The following ERVFRD-1 variants were observed in gnomAD, a reference collection of about 807,000 sequenced individuals.
ERVFRD-1 encodes endogenous retrovirus group FRD member 1, envelope.
In ERVFRD-1, 33 loss-of-function variants were observed where a neutral mutation model predicts 43.8. The ratio of observed to expected loss-of-function variants is 0.75; its 90% confidence interval spans 0.57 to 1.01. ERVFRD-1 has a LOEUF of 1.01. Among genes scored for constraint, ERVFRD-1 ranks in the 50% least tolerant of loss-of-function variants. ERVFRD-1 has a pLI of 0.00. For synonymous variants in ERVFRD-1, 239 were observed against 244.4 expected (o/e 0.98, Z 0.21); for missense variants, 568 against 658.4 (o/e 0.86, Z 1.50).
intron 1 of ERVFRD-1, among the ~76,000 whole-genome samples, chr6:11,107,793 G>C (rs748224448): frequency 6.6e-6 from 1 of 152,178 alleles, no homozygotes. Context: ...AAGATGGGGT[G>C]TTATAGGGTA....
intron 1 of ERVFRD-1, 54 bp downstream of exon 1, chr6:11,111,623 G>T (rs554819523): frequency 1.8e-4 from 28 of 152,362 alleles, no homozygotes; most frequent in African/African-American, 6.5e-4. Context: ...ACGAAACCAC[G>T]TACGAGGGTT....
chr6:11,104,783 T>G lies in ERVFRD-1; in HGVS notation c.528A>C (p.Pro176=), dbSNP rs768146373. The G allele has an allele frequency of 1.2e-6, 2 of 1,614,166 alleles. No homozygotes were observed. Among genetic ancestry groups the G allele is most frequent in the South Asian group, 2.2e-5 (2 of 91,084 alleles). The change falls in exon 2 of 2, where the codon CCA becomes CCC. Residue 176 remains proline (P), a synonymous_variant. Transcript: ENST00000472091. ...FRHQPRFPKP[P]NITFPQGTLL... is the part of the protein sequence containing the mutation. ...AAGTTCCCTGAGGAAAAGTAATATT[T>G]GGAGGTTTGGGGAATCTTGGTTGAT...
At chr6:11,111,096 A>G (rs536501904) in intron 1 of ERVFRD-1, among the ~76,000 whole-genome samples, 4 of 152,346 alleles carry the variant, frequency 2.6e-5, no homozygotes, top group South Asian at 2.1e-4. Context: ...TGGTAGGGTA[A>G]CAAGTATAAA....
chr6:11,103,455 C>G lies in ERVFRD-1; in HGVS notation c.*239G>C, dbSNP rs1338021609. 6 of 519,774 alleles carry G rather than the reference C, an allele frequency of 1.2e-5. No individual in the cohort carries two copies. The highest frequency in any genetic ancestry group is 1.9e-5 in the Non-Finnish European group (6 of 313,772). The allele number at this position is 519,774 out of a possible 1,614,324, so 32.2% of individuals were successfully genotyped here. On this transcript the variant is annotated 3_prime_UTR_variant, in exon 2 of 2. Coordinates refer to ENST00000472091, the MANE Select transcript of ERVFRD-1 (RefSeq NM_207582.3). The stretch of plus-strand genomic sequence containing the variant: ...ACTAGCTACCTGCTCCAACATTTCC[C>G]CCCCTCAAGAGTCCAAGACCCAATT...
rs1030988169 is a variant in ERVFRD-1 at position 11,105,936 on chromosome 6, G to A, written c.-320-306C>T. On this transcript the variant is annotated intron_variant, in intron 1 of 1. Coordinates refer to ENST00000472091, the MANE Select transcript of ERVFRD-1 (RefSeq NM_207582.3). ...GGCTTAATTGCAAGGGAGCCTTAGG[G>A]GCAGCAAATCAGAAGGAGGGCTAAA... Among the ~76,000 whole-genome samples, 7 of 152,144 alleles carry A rather than the reference G, an allele frequency of 4.6e-5. No individual in the cohort carries two copies. The East Asian group carries it at 1.2e-3, about 25-fold the overall frequency.
chr6:11,106,303 TG>T (rs1262668691), intron 1 of ERVFRD-1, among the ~76,000 whole-genome samples: 3 of 152,216 alleles, frequency 2.0e-5, no homozygotes, highest in African/African-American at 7.2e-5. Flanking sequence ...TGCAGGGAGC[TG>T]AGTGAAGTCC....
Position 11,107,468 on chromosome 6 carries a change from A to G in ERVFRD-1, c.-320-1838T>C, listed in dbSNP as rs574960003. Among the ~76,000 whole-genome samples, 50 of 152,300 alleles carry G rather than the reference A, an allele frequency of 3.3e-4. No homozygotes were observed. In the South Asian group the frequency reaches 4.6e-3, roughly 14 times the overall value. Reference sequence around the variant, plus strand: ...CTCCTCTCAAGACTTAGGTCCTGCAAATCTCTAGCCAGGGCTTGCCCAGAC... The same window carrying G: ...CTCCTCTCAAGACTTAGGTCCTGCAGATCTCTAGCCAGGGCTTGCCCAGAC... On this transcript the variant is annotated intron_variant, in intron 1 of 1. Coordinates refer to ENST00000472091, the MANE Select transcript of ERVFRD-1 (RefSeq NM_207582.3).
rs893016711 is a variant in ERVFRD-1, at chr6:11,104,977, G to A, written c.334C>T (p.Pro112Ser). The change falls in exon 2 of 2, where the codon CCC becomes TCC. Residue 112 changes from proline (P) to serine (S), a missense_variant. Physicochemically the swap from Pro to Ser is moderately conservative, Grantham distance 74. Coordinates refer to ENST00000472091, the MANE Select transcript of ERVFRD-1 (RefSeq NM_207582.3). The stretch of plus-strand genomic sequence containing the variant: ...ATTAGGTTGATATTAGTAAAGATGG[G>A]TCCGAAAATGGGAGGTTTCTGGCGG... ...DIRQKPPIFG[P>S]IFTNINLMGI... is the part of the protein sequence containing the mutation. 4.3e-6 allele frequency: 7 copies of A among 1,614,190 alleles called. No individual in the cohort carries two copies. Among genetic ancestry groups the A allele is most frequent in the Middle Eastern group, 1.6e-4 (1 of 6,062 alleles).
chr6:11,111,419 C>T (rs537788386), intron 1 of ERVFRD-1, among the ~76,000 whole-genome samples: 6 of 152,138 alleles, frequency 3.9e-5, no homozygotes, highest in Non-Finnish European at 5.9e-5. Flanking sequence ...TTAGCCCTAC[C>T]GCTCTCATCA....
In ERVFRD-1 at chr6:11,107,374, T is replaced by C. The variant is rs191010795; in HGVS notation, c.-320-1744A>G. On this transcript the variant is annotated intron_variant, in intron 1 of 1. Transcript: ENST00000472091. ...AAGGAAGTTTGGTGTTTGGACTAGA[T>C]GTTGGATTCCCAGTTCTCTTGTTGG... Among the ~76,000 whole-genome samples, 62 of 152,350 alleles carry C rather than the reference T, an allele frequency of 4.1e-4. 2 individuals are homozygous for C. The highest frequency in any genetic ancestry group is 3.4e-3 in the Middle Eastern group (1 of 294).
chr6:11,104,982 A>G lies in ERVFRD-1; in HGVS notation c.329T>C (p.Phe110Ser), dbSNP rs1436433885. The G allele has an allele frequency of 1.2e-6, 2 of 1,614,232 alleles. No homozygotes were observed. The highest frequency in any genetic ancestry group is 1.7e-6 in the Non-Finnish European group (2 of 1,180,046). The part of the protein sequence containing the change: ...FPDIRQKPPI[F>S]GPIFTNINLM... ...GTTGATATTAGTAAAGATGGGTCCG[A>G]AAATGGGAGGTTTCTGGCGGATATC... The change falls in exon 2 of 2, where the codon TTC (phenylalanine) becomes TCC (serine). Residue 110 changes from phenylalanine to serine, a missense_variant. Physicochemically the swap from Phe to Ser is radical, Grantham distance 155. Coordinates refer to ENST00000472091, the MANE Select transcript of ERVFRD-1 (RefSeq NM_207582.3).
chr6:11,109,189 C>A (rs962513282), intron 1 of ERVFRD-1, among the ~76,000 whole-genome samples: 1 of 152,242 alleles, frequency 6.6e-6, no homozygotes, highest in Non-Finnish European at 1.5e-5. Flanking sequence ...CCTAGTATGA[C>A]TGAGAGGTCC....
chr6:11,108,533 T>C (rs985128972), intron 1 of ERVFRD-1, among the ~76,000 whole-genome samples: 1 of 152,156 alleles, frequency 6.6e-6, no homozygotes, highest in East Asian at 1.9e-4. Context: ...GTTTGGGCAC[T>C]GCCTTCTTGT....
At position 11,107,121 on chromosome 6, in the gene ERVFRD-1, C is replaced by T. The variant is rs751470006; in HGVS notation, c.-320-1491G>A. ...GACAAAGCTATTCCCACCTGAAAAC[C>T]GTATGTCATGTGGATTATCTAGGAG... On this transcript the variant is annotated intron_variant, in intron 1 of 1. Transcript: ENST00000472091. Among the ~76,000 whole-genome samples, 88 of 152,130 alleles carry T rather than the reference C, an allele frequency of 5.8e-4. 2 individuals are homozygous for T. Among genetic ancestry groups the T allele is most frequent in the Non-Finnish European group, 2.9e-4 (20 of 68,018 alleles).
At chr6:11,107,764 A>T (rs1758108533) in intron 1 of ERVFRD-1, among the ~76,000 whole-genome samples, 1 of 152,092 alleles carries the variant, frequency 6.6e-6, no homozygotes, top group Non-Finnish European at 1.5e-5. Context: ...TGTATTTTTC[A>T]TTGCTCTTTT....
rs1297256763 is a variant in ERVFRD-1 at position 11,104,930 on chromosome 6, A to G, written c.381T>C (p.Val127=). The part of the protein sequence containing the change: ...INLMGIAPIC[V]MAKRKNGTNV... The stretch of plus-strand genomic sequence containing the variant: ...TTGTTCCATTTTTCCTTTTGGCCAT[A>G]ACACAAATAGGGGCTATTCCCATTA... Residue 127 remains valine, a synonymous_variant, in exon 2 of 2, where the codon GTT becomes GTC. Transcript: ENST00000472091. 2 of 1,614,230 alleles carry G rather than the reference A, an allele frequency of 1.2e-6. No individual in the cohort carries two copies. Among genetic ancestry groups the G allele is most frequent in the South Asian group, 1.1e-5 (1 of 91,088 alleles).
chr6:11,109,403 CT>C (rs1334560548), intron 1 of ERVFRD-1, among the ~76,000 whole-genome samples: 2 of 152,100 alleles, frequency 1.3e-5, no homozygotes. Context: ...GAGGATGGCC[CT>C]GGGTAGGGAG....
In ERVFRD-1 at chr6:11,103,620, A is replaced by G; in HGVS notation, c.*74T>C. 9 of 1,467,602 alleles carry G rather than the reference A, an allele frequency of 6.1e-6. No homozygotes were observed. The highest frequency in any genetic ancestry group is 8.1e-6 in the Non-Finnish European group (9 of 1,109,916). 90.9% of individuals were successfully genotyped at this position (1,467,602 alleles called of 1,614,324 possible). A position where few individuals can be genotyped will look rare whatever the true frequency, so the allele number is the denominator to read the frequency against. ...CTGTGGATTGGCAAAAACCATATCC[A>G]GCCAGGTCCACGGGAGACGGGGCAG... On this transcript the variant is annotated 3_prime_UTR_variant, in exon 2 of 2. Coordinates refer to ENST00000472091, the MANE Select transcript of ERVFRD-1 (RefSeq NM_207582.3).
chr6:11,110,490 G>C (rs1758151006), intron 1 of ERVFRD-1, among the ~76,000 whole-genome samples: 1 of 152,116 alleles, frequency 6.6e-6, no homozygotes, highest in Admixed American at 6.6e-5. Context: ...TCTGCCAATT[G>C]CTGCAAGGGG....
Sources: allele counts gnomAD v4.1 joint callset (sites outside exome capture counted in the v4.1 genomes callset), GRCh38; gene constraint gnomAD v4.1.1; transcripts MANE v1.5; gene names NCBI Gene and HGNC (gene_info 2026-07-23, HGNC 2026-07-21).